The following PACRG variants were observed in gnomAD, a reference collection of about 807,000 sequenced individuals.
PACRG encodes parkin coregulated.
In PACRG, 29 loss-of-function variants were observed where a neutral mutation model predicts 29.7. The ratio of observed to expected loss-of-function variants is 0.98; its 90% confidence interval spans 0.73 to 1.33. The LOEUF (loss-of-function observed/expected upper bound fraction) is 1.33. Among genes scored for constraint, PACRG ranks in the 40% most tolerant of loss-of-function variants. PACRG has a pLI of 0.00. For synonymous variants in PACRG, 116 were observed against 118.7 expected, an observed-to-expected ratio of 0.98 and a Z score of 0.15; for missense variants, 279 against 316.2, an observed-to-expected ratio of 0.88 and a Z score of 0.89.
intron 4 of PACRG, among the ~76,000 whole-genome samples, chr6:163,289,660 A>C (rs1257371727): frequency 7.9e-5 from 12 of 151,972 alleles, no homozygotes; most frequent in Non-Finnish European, 1.8e-4. Flanking sequence ...CGTGTGGCGC[A>C]TGTTGTCCTC....
chr6:163,280,188 G>C (rs1025854681), intron 4 of PACRG, among the ~76,000 whole-genome samples: 10 of 152,192 alleles, frequency 6.6e-5, no homozygotes, highest in Non-Finnish European at 1.3e-4. Flanking sequence ...ATGGGATGTG[G>C]AGTTATCACT....
intron 4 of PACRG, among the ~76,000 whole-genome samples, chr6:163,246,066 C>T (rs142384522): frequency 1.0e-3 from 153 of 152,310 alleles, no homozygotes; most frequent in African/African-American, 3.2e-3. Flanking sequence ...GCCCATCGTC[C>T]ACTCAGTAGC....
At chr6:163,148,966 G>T (rs1040996103) in intron 4 of PACRG, among the ~76,000 whole-genome samples, 1 of 67,416 alleles carries the variant, frequency 1.5e-5, no homozygotes. Context: ...TATGGCGGGG[G>T]GGGGGGGGGG....
At chr6:163,225,215 G>C (rs1298038463) in intron 4 of PACRG, among the ~76,000 whole-genome samples, 2 of 152,210 alleles carry the variant, frequency 1.3e-5, no homozygotes, top group Non-Finnish European at 2.9e-5. Context: ...TGGTTTGGCT[G>C]TGTCCCCACC....
intron 2 of PACRG, among the ~76,000 whole-genome samples, chr6:162,879,275 C>G (rs1253310253): frequency 2.0e-5 from 3 of 152,180 alleles, no homozygotes; most frequent in African/African-American, 7.2e-5. Context: ...AGAAATCGTC[C>G]TTTAATGAAG....
chr6:162,989,361 G>A (rs1054763400), intron 2 of PACRG, among the ~76,000 whole-genome samples: 1 of 152,160 alleles, frequency 6.6e-6, no homozygotes, highest in African/African-American at 2.4e-5. Flanking sequence ...GGCAGATGGA[G>A]ATAAAAGTAC....
At chr6:163,263,420 C>T (rs371800756) in intron 4 of PACRG, among the ~76,000 whole-genome samples, 8 of 152,226 alleles carry the variant, frequency 5.3e-5, no homozygotes, top group African/African-American at 1.4e-4. Flanking sequence ...TGAGTCAGCA[C>T]GTACAGAACA....
At chr6:163,269,721 T>G (rs1783661787) in intron 4 of PACRG, among the ~76,000 whole-genome samples, 1 of 142,212 alleles carries the variant, frequency 7.0e-6, no homozygotes, top group African/African-American at 2.6e-5. Context: ...AAAAAATGGG[T>G]GAGAATACCA....
chr6:163,015,821 C>T (rs1806045542), intron 2 of PACRG, among the ~76,000 whole-genome samples: 1 of 152,050 alleles, frequency 6.6e-6, no homozygotes, highest in Admixed American at 6.6e-5. Flanking sequence ...ATTTGGATGC[C>T]TTTTATTTCT....
chr6:162,889,436 G>T (rs992889523), intron 2 of PACRG, among the ~76,000 whole-genome samples: 1 of 152,138 alleles, frequency 6.6e-6, no homozygotes, highest in African/African-American at 2.4e-5. Flanking sequence ...GCTGCTTAGA[G>T]CAATAAAAAT....
rs1342466275 is a variant in PACRG at position 162,884,776 on chromosome 6, T to G, written c.291+70495T>G. Among the ~76,000 whole-genome samples, 4 of 152,186 alleles carry G rather than the reference T, an allele frequency of 2.6e-5. No individual in the cohort carries two copies. In the East Asian group the frequency reaches 7.7e-4, roughly 29 times the overall value. On this transcript the variant is annotated intron_variant, in intron 2 of 4. Coordinates refer to ENST00000366888, the MANE Select transcript of PACRG (RefSeq NM_001080379.2). ...GCCTGTGTATGGTGGTTGGCATTTA[T>G]GTGTATTTTCCCAGCTCCCCAATGA...
rs1367562816 is a variant in PACRG at position 162,993,191 on chromosome 6, G to A, written c.292-68959G>A. Among the ~76,000 whole-genome samples, 302 of 151,942 alleles carry A rather than the reference G, an allele frequency of 2.0e-3. 1 individual carries two copies. The highest frequency in any genetic ancestry group is 0.011 in the East Asian group (54 of 5,118). ...TGGTCAATTTTAGAATAGGTGTGGT[G>A]TGGTGCTGAAAAGAATGTATATTCT... On this transcript the variant is annotated intron_variant, in intron 2 of 4. Transcript: ENST00000366888.
At chr6:162,741,972 A>G (rs1027306165) in intron 1 of PACRG, among the ~76,000 whole-genome samples, 4 of 152,232 alleles carry the variant, frequency 2.6e-5, no homozygotes, top group African/African-American at 4.8e-5. Flanking sequence ...GATTAACTAT[A>G]GTCACCATGT....
chr6:162,869,946 T>C (rs374785186), intron 2 of PACRG, among the ~76,000 whole-genome samples: 23 of 152,302 alleles, frequency 1.5e-4, no homozygotes, highest in African/African-American at 5.5e-4. Context: ...GGTTGCTCTA[T>C]TAGGAAATTG....
intron 2 of PACRG, among the ~76,000 whole-genome samples, chr6:163,045,343 G>A (rs2128241016): frequency 6.6e-6 from 1 of 152,288 alleles, no homozygotes; most frequent in Non-Finnish European, 1.5e-5. Context: ...TGGGTAACAG[G>A]AGGGAATCAA....
At chr6:162,810,139 T>A (rs948057964) in intron 1 of PACRG, among the ~76,000 whole-genome samples, 2 of 152,134 alleles carry the variant, frequency 1.3e-5, no homozygotes, top group African/African-American at 2.4e-5. Context: ...GGAGGCCTAG[T>A]GGGTTCTGGA....
intron 4 of PACRG, chr6:163,310,916 G>A (rs752674445): frequency 6.6e-6 from 1 of 152,184 alleles, no homozygotes; most frequent in Non-Finnish European, 1.5e-5. Context: ...CAGCCCGGAG[G>A]ATGCTATCGC....
intron 2 of PACRG, among the ~76,000 whole-genome samples, chr6:162,892,418 A>G (rs1431225570): frequency 6.6e-6 from 1 of 152,194 alleles, no homozygotes; most frequent in Non-Finnish European, 1.5e-5. Context: ...CTGCTTCTTG[A>G]GTAATGACCA....
intron 4 of PACRG, among the ~76,000 whole-genome samples, chr6:163,262,032 A>G (rs1783346309): frequency 6.6e-6 from 1 of 152,158 alleles, no homozygotes; most frequent in South Asian, 2.1e-4. Context: ...TATTTCCAAG[A>G]TGTGGGGAAA....
Sources: allele counts gnomAD v4.1 joint callset (sites outside exome capture counted in the v4.1 genomes callset), GRCh38; gene constraint gnomAD v4.1.1; transcripts MANE v1.5; gene names NCBI Gene and HGNC (gene_info 2026-07-23, HGNC 2026-07-21).